Variants in CLEC9A observed in about 807,000 individuals in gnomAD.
CLEC9A encodes C-type lectin domain containing 9A.
Under a neutral mutation model 30.0 loss-of-function variants are expected in CLEC9A, and 24 were observed. The ratio of observed to expected loss-of-function variants is 0.80; its 90% CI spans 0.58 to 1.13. CLEC9A has a LOEUF of 1.13. CLEC9A is among the 50% of genes most tolerant of loss of function. The probability of loss-of-function intolerance (pLI) is 0.00; values close to 1 mark genes in which losing one functional copy is unlikely to be tolerated. For synonymous variants in CLEC9A, 111 were observed against 96.8 expected (o/e 1.15, Z -0.86); for missense variants, 251 against 280.9 (o/e 0.89, Z 0.76).
chr12:10,057,025 A>G (rs941112121), intron 5 of CLEC9A, among the ~76,000 whole-genome samples: 4 of 151,994 alleles, frequency 2.6e-5, no homozygotes, highest in African/African-American at 9.7e-5. Flanking sequence ...TAAATTTATA[A>G]TTTGCCTAGG....
chr12:10,046,757 C>T (rs1352951802), intron 2 of CLEC9A, among the ~76,000 whole-genome samples: 54 of 152,134 alleles, frequency 3.5e-4, no homozygotes, highest in Admixed American at 3.3e-3. Flanking sequence ...CACACAGAGA[C>T]GTGGGTTTTT....
rs1176166512 is a variant in CLEC9A, at chr12:10,041,565, A to G, written c.-218A>G. On this transcript the variant is annotated 5_prime_UTR_variant, in exon 2 of 9. Transcript: ENST00000355819. ...AACTTGACATGGAAAGAGAGTGAGC[A>G]GTACTGCACTGACATGAAGGCTACT... is the stretch of plus-strand genomic sequence containing the variant. 1 of 508,140 alleles carries G rather than the reference A, an allele frequency of 2.0e-6. No homozygotes were observed. Among genetic ancestry groups the G allele is most frequent in the Non-Finnish European group, 4.0e-6 (1 of 252,562 alleles). The allele number at this position is 508,140 out of a possible 1,614,324, so 31.5% of individuals were successfully genotyped here. A position where few individuals can be genotyped will look rare whatever the true frequency, so the allele number is the denominator to read the frequency against.
intron 3 of CLEC9A, chr12:10,052,332 C>A: frequency 4.6e-6 from 1 of 218,256 alleles, no homozygotes; most frequent in Non-Finnish European, 8.6e-6. Flanking sequence ...ATCTCCTATA[C>A]CAAATGCAAG....
At chr12:10,060,371 A>G (rs574389156) in intron 5 of CLEC9A, among the ~76,000 whole-genome samples, 22 of 152,358 alleles carry the variant, frequency 1.4e-4, no homozygotes, top group African/African-American at 4.8e-4. Flanking sequence ...CTACTCAACA[A>G]TACAAAATAG....
chr12:10,064,901 A>G lies in CLEC9A; in HGVS notation c.593+48A>G, dbSNP rs201573214. On this transcript the variant is annotated intron_variant, in intron 8 of 8. Coordinates refer to ENST00000355819, the MANE Select transcript of CLEC9A (RefSeq NM_207345.4). The stretch of plus-strand genomic sequence containing the variant: ...ACAAGAAAAGTTAGAAACATGAGGG[A>G]ATTCAAAAGTTTATTTCACCTTGTA... 396 of 1,588,378 alleles carry G rather than the reference A, an allele frequency of 2.5e-4. 4 individuals carry two copies. Among genetic ancestry groups the G allele is most frequent in the Admixed American group, 1.3e-4 (7 of 54,684 alleles).
intron 1 of CLEC9A, among the ~76,000 whole-genome samples, chr12:10,039,409 T>A (rs1036965656): frequency 2.6e-5 from 4 of 152,196 alleles, no homozygotes; most frequent in Non-Finnish European, 5.9e-5. Flanking sequence ...AATAGCTAAG[T>A]TTTTTATTAA....
chr12:10,037,800 T>C (rs1369472439), intron 1 of CLEC9A, among the ~76,000 whole-genome samples: 1 of 152,220 alleles, frequency 6.6e-6, no homozygotes, highest in Non-Finnish European at 1.5e-5. Context: ...GACATTTTCT[T>C]CTGGGGTTAA....
chr12:10,061,360 C>T, intron 6 of CLEC9A, 87 bp downstream of exon 6: 2 of 1,320,150 alleles, frequency 1.5e-6, no homozygotes, highest in Non-Finnish European at 2.0e-6. Context: ...ATTTTGTTCT[C>T]TGCAAAACTG....
intron 5 of CLEC9A, 32 bp from the exon 6 acceptor site, chr12:10,061,095 A>AT (rs1865992454): frequency 6.3e-7 from 1 of 1,599,842 alleles, no homozygotes; most frequent in Non-Finnish European, 8.5e-7. Flanking sequence ...AAATGTCAGG[A>AT]TTTTATTAGG....
chr12:10,064,698 T>C (rs757782869), intron 7 of CLEC9A, 34 bp from the exon 8 acceptor site: 1 of 1,557,430 alleles, frequency 6.4e-7, no homozygotes, highest in Non-Finnish European at 8.6e-7. Flanking sequence ...TTTGTTTGTT[T>C]TTCTCATTTC....
intron 4 of CLEC9A, among the ~76,000 whole-genome samples, chr12:10,054,022 A>G (rs1024137315): frequency 6.6e-6 from 1 of 152,202 alleles, no homozygotes; most frequent in African/African-American, 2.4e-5. Context: ...AGGATAACAG[A>G]AGTATACTAT....
intron 3 of CLEC9A, 60 bp from the exon 4 acceptor site, chr12:10,052,570 C>T (rs1194224591): frequency 2.0e-6 from 3 of 1,473,824 alleles, no homozygotes; most frequent in Non-Finnish European, 2.7e-6. Context: ...ACATATTTTC[C>T]CACTACTGTG....
chr12:10,033,554 C>A (rs1159416031), intron 1 of CLEC9A, among the ~76,000 whole-genome samples: 1 of 152,172 alleles, frequency 6.6e-6, no homozygotes, highest in African/African-American at 2.4e-5. Context: ...ATGAATATTC[C>A]ATACCTACGG....
intron 2 of CLEC9A, chr12:10,045,581 A>C: frequency 3.5e-6 from 1 of 284,872 alleles, no homozygotes; most frequent in South Asian, 4.2e-5. Flanking sequence ...AACATTATTT[A>C]ATGTGTGAGA....
chr12:10,061,599 A>C (rs1021745020), intron 6 of CLEC9A, among the ~76,000 whole-genome samples: 1 of 152,222 alleles, frequency 6.6e-6, no homozygotes, highest in Non-Finnish European at 1.5e-5. Flanking sequence ...AGGATGTTTT[A>C]GTTCTAGCTC....
At chr12:10,062,365 C>T (rs1217563837) in intron 6 of CLEC9A, among the ~76,000 whole-genome samples, 1 of 152,174 alleles carries the variant, frequency 6.6e-6, no homozygotes, top group Non-Finnish European at 1.5e-5. Context: ...TGGTCAAATT[C>T]TTGGTCTTTG....
rs538708511 is a variant in CLEC9A at position 10,032,146 on chromosome 12, C to T, written c.-318+1174C>T. 2.6e-5 allele frequency among the ~76,000 whole-genome samples: 4 copies of T among 152,270 alleles called. No individual in the cohort carries two copies. In the South Asian group the frequency reaches 8.3e-4, roughly 32 times the overall value. ...TGGAGCAACAGGAGCATTCATTCACCGCTGGTGAGAGGTAAAAAGGCATAG... is the reference window on the plus strand; with the variant it reads ...TGGAGCAACAGGAGCATTCATTCACTGCTGGTGAGAGGTAAAAAGGCATAG... On this transcript the variant is annotated intron_variant, in intron 1 of 8. Coordinates refer to ENST00000355819, the MANE Select transcript of CLEC9A (RefSeq NM_207345.4).
intron 5 of CLEC9A, 105 bp from the exon 6 acceptor site, chr12:10,061,022 G>A: frequency 2.3e-6 from 3 of 1,304,430 alleles, no homozygotes; most frequent in South Asian, 1.5e-5. Context: ...ACAAATTCAA[G>A]TCTCAAAAAT....
intron 8 of CLEC9A, among the ~76,000 whole-genome samples, chr12:10,065,059 T>C (rs1317251886): frequency 6.6e-6 from 1 of 152,212 alleles, no homozygotes; most frequent in Non-Finnish European, 1.5e-5. Context: ...TCTATTATCT[T>C]ATAGAAAATT....
Sources: allele counts gnomAD v4.1 joint callset (sites outside exome capture counted in the v4.1 genomes callset), GRCh38; gene constraint gnomAD v4.1.1; transcripts MANE v1.5; gene names NCBI Gene and HGNC (gene_info 2026-07-23, HGNC 2026-07-21).